The following MEPE variants were observed in gnomAD, a reference collection of about 807,000 sequenced individuals.
The protein encoded by MEPE is matrix, extracellular phosphoglycoprotein with ASARM motif (bone).
A neutral mutation model predicts 7.3 loss-of-function variants in MEPE; 7 were observed. The observed-to-expected ratio is 0.95, with a 90% confidence interval of 0.54 to 1.79. The LOEUF (loss-of-function observed/expected upper bound fraction) is 1.79, where lower values mean the gene tolerates loss of function less well. Ranked by LOEUF, MEPE falls within the 40% of genes most tolerant of loss-of-function variation. The pLI is 0.00. For missense variants in MEPE, 623 were observed against 628.2 expected (o/e 0.99, Z 0.09); for synonymous variants, 214 against 213.1 (o/e 1.00, Z -0.04).
chr4:87,840,956 AC>A (rs1722991136), intron 3 of MEPE, among the ~76,000 whole-genome samples: 1 of 152,370 alleles, frequency 6.6e-6, no homozygotes, highest in East Asian at 1.9e-4. Context: ...ATCATTTAAC[AC>A]AAGCAAATGT....
chr4:87,824,524 C>T (rs28464861), intron 1 of MEPE, among the ~76,000 whole-genome samples: 29,531 of 152,104 alleles, frequency 0.19, 3,148 homozygotes, highest in East Asian at 0.31. Flanking sequence ...ATAGACAATT[C>T]GTAAACAAAT....
At chr4:87,834,078 G>A (rs757833455) in intron 1 of MEPE, among the ~76,000 whole-genome samples, 1 of 152,190 alleles carries the variant, frequency 6.6e-6, no homozygotes, top group Admixed American at 6.5e-5. Context: ...GGGTTGTTGT[G>A]AGGCTCAAAT....
intron 3 of MEPE, among the ~76,000 whole-genome samples, chr4:87,844,403 C>G (rs1578063459): frequency 6.6e-6 from 1 of 152,314 alleles, no homozygotes; most frequent in East Asian, 1.9e-4. Context: ...AAATACTTTA[C>G]TCTCCTCCTC....
At chr4:87,831,079 A>T (rs767070732), upstream of MEPE, among the ~76,000 whole-genome samples, 1 of 152,086 alleles carries the variant, frequency 6.6e-6, no homozygotes, top group Non-Finnish European at 1.5e-5. Context: ...ATAATTTCTT[A>T]TTGATGCTTT....
At chr4:87,832,368 C>T (rs1722621825), upstream of MEPE, among the ~76,000 whole-genome samples, 2 of 152,108 alleles carry the variant, frequency 1.3e-5, no homozygotes. Flanking sequence ...AAATTTCAAC[C>T]CAGTGTCCCC....
chr4:87,833,857 A>T (rs1578055071), intron 1 of MEPE, among the ~76,000 whole-genome samples: 1 of 152,158 alleles, frequency 6.6e-6, no homozygotes, highest in South Asian at 2.1e-4. Flanking sequence ...TCAACTGTAC[A>T]TGGATTTTTC....
intron 1 of MEPE, among the ~76,000 whole-genome samples, chr4:87,826,876 T>C (rs1280560460): frequency 6.6e-6 from 1 of 152,230 alleles, no homozygotes; most frequent in African/African-American, 2.4e-5. Context: ...TTTGTTTAAG[T>C]TTCTTATAGA....
At chr4:87,822,142 C>G (rs1722353648) in intron 1 of MEPE, among the ~76,000 whole-genome samples, 2 of 152,172 alleles carry the variant, frequency 1.3e-5, no homozygotes, top group South Asian at 4.1e-4. Flanking sequence ...AGTCTATCCT[C>G]TCTTGGTTGA....
intron 1 of MEPE, among the ~76,000 whole-genome samples, chr4:87,824,439 A>G (rs1317908114): frequency 6.6e-6 from 1 of 152,260 alleles, no homozygotes; most frequent in African/African-American, 2.4e-5. Flanking sequence ...AAATAGCTGC[A>G]GAGGGTGGAT....
Position 87,834,719 on chromosome 4 carries a change from G to A in MEPE, c.5G>A (p.Arg2Gln), listed in dbSNP as rs749051407. Residue 2 changes from arginine to glutamine, a missense_variant, in exon 2 of 4, where the codon CGA becomes CAA. Transcript: ENST00000361056. ...TTTTTACAGAGATTCTCAAAGATGC[G>A]AGTTTTCTGTGTGGGACTACTCCTT... M[R>Q]VFCVGLLLFS... 5.6e-6 allele frequency: 9 copies of A among 1,612,838 alleles called. No individual in the cohort carries two copies. Among genetic ancestry groups the A allele is most frequent in the East Asian group, 2.2e-5 (1 of 44,858 alleles).
intron 1 of MEPE, among the ~76,000 whole-genome samples, chr4:87,827,215 A>G (rs1170691606): frequency 6.6e-6 from 1 of 152,222 alleles, no homozygotes. Flanking sequence ...CCAAGTCAAC[A>G]CACAGAACCT....
At chr4:87,830,998 T>C (rs1244072479), upstream of MEPE, among the ~76,000 whole-genome samples, 1 of 152,164 alleles carries the variant, frequency 6.6e-6, no homozygotes, top group Non-Finnish European at 1.5e-5. Context: ...GTATATATAA[T>C]ATACAACTGT....
chr4:87,821,621 G>A (rs963641176), intron 1 of MEPE: 2 of 152,324 alleles, frequency 1.3e-5, no homozygotes, highest in African/African-American at 2.4e-5. Context: ...TATGTGTGCT[G>A]TTTTTGGTCA....
At chr4:87,840,039 T>C in intron 3 of MEPE, 1 of 1,535,442 alleles carries the variant, frequency 6.5e-7, no homozygotes, top group Non-Finnish European at 8.7e-7. Flanking sequence ...GCAGGTGTGA[T>C]ACTCATGGAC....
upstream of MEPE, among the ~76,000 whole-genome samples, chr4:87,828,252 A>G (rs996859591): frequency 6.6e-6 from 1 of 152,212 alleles, no homozygotes; most frequent in Non-Finnish European, 1.5e-5. Context: ...CTGATCCAGG[A>G]GGGGAAATAC....
At position 87,846,333 on chromosome 4, in the gene MEPE, A is replaced by G; in HGVS notation, c.1465A>G (p.Lys489Glu). 1 of 1,614,116 alleles carries G rather than the reference A, an allele frequency of 6.2e-7. No individual in the cohort carries two copies. Among genetic ancestry groups the G allele is most frequent in the African/African-American group, 1.3e-5 (1 of 75,048 alleles). The change falls in exon 4 of 4, where the codon AAA (lysine) becomes GAA (glutamate). Residue 489 changes from lysine to glutamate, a missense_variant. Transcript: ENST00000361056. The stretch of plus-strand genomic sequence containing the variant: ...ACGGAATAAGGGTATGCCACAAGGG[A>G]AAGGCTCCTGGGGTAGACAACCCCA... ...STRNKGMPQG[K>E]GSWGRQPHSN... is the part of the protein sequence containing the mutation.
rs1722708948 is a variant in MEPE at position 87,834,558 on chromosome 4, C to T, written c.-12-145C>T. 6 of 522,276 alleles carry T rather than the reference C, an allele frequency of 1.1e-5. No homozygotes were observed. The South Asian group carries it at 1.8e-4, about 16-fold the overall frequency. 32.4% of individuals were successfully genotyped at this position (522,276 alleles called of 1,614,324 possible). A position where few individuals can be genotyped will look rare whatever the true frequency, so the allele number is the denominator to read the frequency against. On this transcript the variant is annotated intron_variant, in intron 1 of 3. Coordinates refer to ENST00000361056, the MANE Select transcript of MEPE (RefSeq NM_020203.6). ...CACACTCGGGTATAAGCAAGTTATA[C>T]ATAGTCTATACACACACATACACAA...
Position 87,822,434 on chromosome 4 carries a change from G to C in MEPE, c.-13+963G>C, listed in dbSNP as rs571168640. ...CCGGGCAGCAGTGTGGTTGGTAACT[G>C]GGTTACGAAGCTCCTGAATGCAGCT... On this transcript the variant is annotated intron_variant, in intron 1 of 3. Transcript: ENST00000424957. 4.9e-4 allele frequency among the ~76,000 whole-genome samples: 74 copies of C among 152,266 alleles called. No homozygotes were observed. The South Asian group carries it at 0.015, about 31-fold the overall frequency.
chr4:87,844,620 T>C (rs1372186213), intron 3 of MEPE, among the ~76,000 whole-genome samples: 1 of 152,192 alleles, frequency 6.6e-6, no homozygotes, highest in Non-Finnish European at 1.5e-5. Flanking sequence ...AATTTTAATA[T>C]ATGAAATCCA....
Sources: gnomAD v4.1 joint callset for allele counts (sites outside exome capture counted in the v4.1 genomes callset) on GRCh38, gnomAD v4.1.1 for gene constraint, MANE v1.5 for transcripts, NCBI Gene and HGNC (gene_info 2026-07-23, HGNC 2026-07-21) for gene names.